The following ELOVL2 variants were observed in gnomAD, a reference collection of about 807,000 sequenced individuals.
The protein encoded by ELOVL2 is very long chain fatty acid elongase 2.
In ELOVL2, 38 loss-of-function variants were observed where a neutral mutation model predicts 37.7. The observed-to-expected ratio is 1.01, with a 90% CI of 0.78 to 1.32. The LOEUF is 1.32. Ranked by LOEUF, ELOVL2 falls within the 40% of genes most tolerant of loss-of-function variation. The probability of loss-of-function intolerance (pLI) is 0.00; values close to 1 mark genes in which losing one functional copy is unlikely to be tolerated. For synonymous variants in ELOVL2, 115 were observed against 122.3 expected (o/e 0.94, Z 0.40); for missense variants, 352 against 363.6 (o/e 0.97, Z 0.26).
intron 7 of ELOVL2, among the ~76,000 whole-genome samples, chr6:10,987,168 T>C (rs1177953049): frequency 2.0e-5 from 3 of 152,234 alleles, no homozygotes; most frequent in Admixed American, 6.5e-5. Flanking sequence ...TGATGGTAGT[T>C]TGTATTTCTG....
intron 7 of ELOVL2, among the ~76,000 whole-genome samples, chr6:10,987,696 T>C (rs1324299625): frequency 6.6e-6 from 1 of 152,210 alleles, no homozygotes; most frequent in East Asian, 1.9e-4. Context: ...GAGGTCACGA[T>C]TTGTATATTG....
intron 2 of ELOVL2, among the ~76,000 whole-genome samples, chr6:11,006,273 AC>A (rs1782482281): frequency 6.6e-6 from 1 of 152,212 alleles, no homozygotes; most frequent in Non-Finnish European, 1.5e-5. Context: ...CTGGACGTTT[AC>A]ACAGCAGGGA....
chr6:10,998,851 G>A (rs1376091227), intron 4 of ELOVL2, among the ~76,000 whole-genome samples: 1 of 152,150 alleles, frequency 6.6e-6, no homozygotes, highest in Non-Finnish European at 1.5e-5. Flanking sequence ...TGTAGACAGA[G>A]CTGAAAATTA....
intron 3 of ELOVL2, among the ~76,000 whole-genome samples, chr6:11,004,767 G>T (rs1257701859): frequency 6.6e-6 from 1 of 152,194 alleles, no homozygotes; most frequent in African/African-American, 2.4e-5. Flanking sequence ...CTAAGCCTCA[G>T]TATCCTAATC....
intron 1 of ELOVL2, among the ~76,000 whole-genome samples, chr6:11,028,593 A>AT (rs111411933): frequency 0.034 from 5,015 of 149,586 alleles, 229 homozygotes; most frequent in African/African-American, 0.1. Context: ...TTTTTATGGT[A>AT]TTTTTTTTTT....
At chr6:11,013,672 G>A (rs1478067759) in intron 1 of ELOVL2, among the ~76,000 whole-genome samples, 1 of 152,120 alleles carries the variant, frequency 6.6e-6, no homozygotes, top group African/African-American at 2.4e-5. Flanking sequence ...CAACCGAGAG[G>A]AGGAGGACAC....
rs540486139 is a variant in ELOVL2, at chr6:11,043,890, G to A, written c.3+338C>T. On this transcript the variant is annotated intron_variant, in intron 1 of 7. Transcript: ENST00000354666. Reference sequence around the variant, plus strand: ...GGAATGGCCGCCGCGAAGGAGGGGCGGCTTCCTCGGGCATCCCGGGCGCCC... The same window carrying A: ...GGAATGGCCGCCGCGAAGGAGGGGCAGCTTCCTCGGGCATCCCGGGCGCCC... 84 of 234,716 alleles carry A rather than the reference G, an allele frequency of 3.6e-4. No homozygotes were observed. The East Asian group carries it at 6.6e-3, about 18-fold the overall frequency. The allele number at this position is 234,716 out of a possible 1,614,324, so 14.5% of individuals were successfully genotyped here. A position where few individuals can be genotyped will look rare whatever the true frequency, so the allele number is the denominator to read the frequency against.
Position 11,044,256 on chromosome 6 carries a change from A to G in ELOVL2, c.-26T>C, listed in dbSNP as rs779782768. ...GATCCGCAGCGGCTGTGGCGCGGCG[A>G]CCCGGGCGGGCGGCGATGCGCTGTC... On this transcript the variant is annotated 5_prime_UTR_variant, in exon 1 of 8. Transcript: ENST00000354666. The surrounding 1 kb of genome is among the most constrained non-coding windows in gnomAD (Gnocchi z 5.6). 1.7e-4 allele frequency: 232 copies of G among 1,330,302 alleles called. No homozygotes were observed. The highest frequency in any genetic ancestry group is 2.2e-4 in the Non-Finnish European group (226 of 1,042,934). The allele number at this position is 1,330,302 out of a possible 1,614,324, so 82.4% of individuals were successfully genotyped here.
intron 1 of ELOVL2, among the ~76,000 whole-genome samples, chr6:11,037,633 TA>T (rs1477661131): frequency 6.6e-6 from 1 of 152,176 alleles, no homozygotes; most frequent in African/African-American, 2.4e-5. Context: ...ACTGCTCATT[TA>T]TAGGCAGTGA....
intron 1 of ELOVL2, among the ~76,000 whole-genome samples, chr6:11,042,183 T>C (rs1783107806): frequency 6.6e-6 from 1 of 151,998 alleles, no homozygotes; most frequent in Non-Finnish European, 1.5e-5. Context: ...TGTGGTGACG[T>C]GCGCCTGTAA....
chr6:11,024,040 A>G (rs1052582680), intron 1 of ELOVL2, among the ~76,000 whole-genome samples: 2 of 152,236 alleles, frequency 1.3e-5, no homozygotes, highest in African/African-American at 4.8e-5. Flanking sequence ...TCAGCCCAAC[A>G]TAGTCTCCAA....
intron 1 of ELOVL2, among the ~76,000 whole-genome samples, chr6:11,021,366 G>A (rs899903140): frequency 9.2e-5 from 14 of 152,284 alleles, no homozygotes; most frequent in African/African-American, 2.9e-4. Context: ...TGTGAAAAGC[G>A]TCTTTTATTG....
At chr6:10,993,851 CAGCT>C (rs1782211105) in intron 5 of ELOVL2, among the ~76,000 whole-genome samples, 1 of 145,644 alleles carries the variant, frequency 6.9e-6, no homozygotes, top group South Asian at 2.2e-4. Context: ...TCACCACGCC[CAGCT>C]AATTTTTTTT....
At chr6:10,985,486 A>T in intron 7 of ELOVL2, among the ~76,000 whole-genome samples, 1 of 120,034 alleles carries the variant, frequency 8.3e-6, no homozygotes, top group Non-Finnish European at 1.6e-5. Flanking sequence ...TTTTAGGTCT[A>T]ACGTTTAAGT....
chr6:10,999,394 T>TC (rs1471490865), intron 4 of ELOVL2, among the ~76,000 whole-genome samples: 1 of 151,346 alleles, frequency 6.6e-6, no homozygotes, highest in Non-Finnish European at 1.5e-5. Flanking sequence ...TTTTTTTTTT[T>TC]AGATGGAGTC....
At chr6:11,018,937 A>G (rs1387355407) in intron 1 of ELOVL2, among the ~76,000 whole-genome samples, 1 of 152,216 alleles carries the variant, frequency 6.6e-6, no homozygotes, top group East Asian at 1.9e-4. Context: ...TGCTCCAAAC[A>G]GAAATAAAAT....
At chr6:11,011,551 C>G (rs1197021656) in intron 1 of ELOVL2, among the ~76,000 whole-genome samples, 1 of 152,100 alleles carries the variant, frequency 6.6e-6, no homozygotes, top group Non-Finnish European at 1.5e-5. Context: ...AATGAAAATT[C>G]AGGCTGAACT....
intron 4 of ELOVL2, among the ~76,000 whole-genome samples, chr6:10,996,839 G>A (rs1431635325): frequency 2.0e-5 from 3 of 151,262 alleles, no homozygotes; most frequent in African/African-American, 7.4e-5. Context: ...GTGAAACCCC[G>A]TCTCTATTAA....
At position 11,044,274 on chromosome 6, in the gene ELOVL2, G is replaced by A; in HGVS notation, c.-44C>T. 1 of 1,311,068 alleles carries A rather than the reference G, an allele frequency of 7.6e-7. No individual in the cohort carries two copies. The highest frequency in any genetic ancestry group is 1.6e-5 in the African/African-American group (1 of 63,948). The allele number at this position is 1,311,068 out of a possible 1,614,324, so 81.2% of individuals were successfully genotyped here. A position where few individuals can be genotyped will look rare whatever the true frequency, so the allele number is the denominator to read the frequency against. On this transcript the variant is annotated 5_prime_UTR_variant, in exon 1 of 8. Transcript: ENST00000354666. This position sits in a 1 kb window ranked among gnomAD's most constrained non-coding sequence, Gnocchi z 5.6. ...CGCGGCGACCCGGGCGGGCGGCGAT[G>A]CGCTGTCCAGGGTAGCCGGGTCCCT... is the stretch of plus-strand genomic sequence containing the variant.
Sources: allele counts gnomAD v4.1 joint callset (sites outside exome capture counted in the v4.1 genomes callset), GRCh38; gene constraint gnomAD v4.1.1; non-coding constraint Gnocchi (gnomAD v3.1); transcripts MANE v1.5; gene names NCBI Gene and HGNC (gene_info 2026-07-23, HGNC 2026-07-21).